The following ADGRA3 variants were observed in gnomAD, a reference collection of about 807,000 sequenced individuals.
The protein encoded by ADGRA3 is adhesion G protein-coupled receptor A3, also known as G-protein coupled receptor 125.
ADGRA3 carries 56 observed loss-of-function variants against 119.8 expected under a neutral mutation model. The observed-to-expected ratio is 0.47, with a 90% CI of 0.38 to 0.58. The LOEUF is 0.58. ADGRA3 is among the 20% of genes least tolerant of loss of function. The pLI is 0.00. For synonymous variants in ADGRA3, 607 were observed against 623.8 expected (o/e 0.97, Z 0.40); for missense variants, 1,516 against 1,649.0 (o/e 0.92, Z 1.40).
chr4:22,510,637 C>T (rs942103042), intron 1 of ADGRA3, among the ~76,000 whole-genome samples: 5 of 152,132 alleles, frequency 3.3e-5, no homozygotes, highest in Non-Finnish European at 4.4e-5. Context: ...CGTCCGATAC[C>T]GTCTCTCCAC....
intron 15 of ADGRA3, among the ~76,000 whole-genome samples, chr4:22,402,328 G>A (rs757891090): frequency 1.3e-5 from 2 of 152,048 alleles, no homozygotes; most frequent in Admixed American, 1.3e-4. Context: ...CTGATACTTA[G>A]AGACACCCCT....
At chr4:22,466,596 G>A (rs898621491) in intron 2 of ADGRA3, among the ~76,000 whole-genome samples, 13 of 152,002 alleles carry the variant, frequency 8.6e-5, no homozygotes, top group Non-Finnish European at 1.2e-4. Flanking sequence ...GCGTGATGGC[G>A]CACACCTGTA....
chr4:22,462,377 GA>G (rs1182069643), intron 2 of ADGRA3, among the ~76,000 whole-genome samples: 3 of 152,080 alleles, frequency 2.0e-5, no homozygotes, highest in Admixed American at 2.0e-4. Context: ...GCAGTGGCGT[GA>G]TCCTGACTCA....
chr4:22,391,113 C>T (rs905447026), intron 17 of ADGRA3, among the ~76,000 whole-genome samples: 6 of 152,056 alleles, frequency 3.9e-5, no homozygotes, highest in Admixed American at 1.3e-4. Flanking sequence ...GTCCAAGTAT[C>T]GTTCTTTTCT....
At chr4:22,438,814 G>A (rs185079832) in intron 7 of ADGRA3, among the ~76,000 whole-genome samples, 217 of 152,126 alleles carry the variant, frequency 1.4e-3, no homozygotes, top group African/African-American at 5.0e-3. Context: ...TCAGCCTGGC[G>A]AAACCCTGTC....
At chr4:22,445,596 G>A (rs1716803952) in intron 5 of ADGRA3, among the ~76,000 whole-genome samples, 1 of 152,106 alleles carries the variant, frequency 6.6e-6, no homozygotes, top group Admixed American at 6.5e-5. Context: ...CAATCAAACA[G>A]CAACCTAAAG....
chr4:22,510,546 C>T (rs991802775), intron 1 of ADGRA3, among the ~76,000 whole-genome samples: 43 of 152,042 alleles, frequency 2.8e-4, no homozygotes, highest in Non-Finnish European at 1.2e-4. Context: ...TGCACTCTCT[C>T]CTAACTGACC....
chr4:22,387,701 A>G lies in ADGRA3; in HGVS notation c.*4T>C. The G allele has an allele frequency of 6.3e-7, 1 of 1,586,462 alleles. No individual in the cohort carries two copies. Among genetic ancestry groups the G allele is most frequent in the South Asian group, 1.1e-5 (1 of 87,752 alleles). On this transcript the variant is annotated 3_prime_UTR_variant, in exon 19 of 19. Transcript: ENST00000334304. ...TGAATTTCTGCCTAGGAAGCCCAGC[A>G]ATGTTACACAGTAGTTTCGTGTTTC... is the stretch of plus-strand genomic sequence containing the variant.
chr4:22,496,395 A>G (rs1226783312), intron 1 of ADGRA3, among the ~76,000 whole-genome samples: 1 of 152,228 alleles, frequency 6.6e-6, no homozygotes, highest in Non-Finnish European at 1.5e-5. Context: ...CACAACATTT[A>G]AAACACTTAC....
At chr4:22,479,881 AAACT>A (rs770991270) in intron 1 of ADGRA3, among the ~76,000 whole-genome samples, 95 of 152,256 alleles carry the variant, frequency 6.2e-4, no homozygotes, top group South Asian at 5.8e-3. Flanking sequence ...CATTCCCAAC[AAACT>A]AACACAGGAA....
At position 22,402,661 on chromosome 4, in the gene ADGRA3, G is replaced by A; in HGVS notation, c.2357+14C>T. 6.2e-7 allele frequency: 1 copy of A among 1,607,156 alleles called. No individual in the cohort carries two copies. The highest frequency in any genetic ancestry group is 8.5e-7 in the Non-Finnish European group (1 of 1,177,906). ...AAAGTCCGCAGATCTATTTTGTCGA[G>A]ATGTATTTCTTACCTGTGATGGTAT... On this transcript the variant is annotated intron_variant, in intron 15 of 18. Coordinates refer to ENST00000334304, the MANE Select transcript of ADGRA3 (RefSeq NM_145290.4).
At chr4:22,503,497 T>C (rs993083899) in intron 1 of ADGRA3, among the ~76,000 whole-genome samples, 5 of 152,220 alleles carry the variant, frequency 3.3e-5, no homozygotes, top group African/African-American at 1.2e-4. Context: ...ATTACAGTTA[T>C]ATCTCCATAC....
intron 4 of ADGRA3, among the ~76,000 whole-genome samples, chr4:22,452,145 T>G (rs751686939): frequency 5.9e-5 from 9 of 152,194 alleles, no homozygotes; most frequent in Non-Finnish European, 1.0e-4. Context: ...CCACGTTGTC[T>G]TTAAAAGGTA....
intron 10 of ADGRA3, among the ~76,000 whole-genome samples, chr4:22,427,380 A>C (rs1715984099): frequency 6.6e-6 from 1 of 152,144 alleles, no homozygotes. Flanking sequence ...TGAAAAATTC[A>C]TCATTATTAC....
chr4:22,503,411 T>A (rs889401078), intron 1 of ADGRA3, among the ~76,000 whole-genome samples: 1 of 152,198 alleles, frequency 6.6e-6, no homozygotes, highest in Admixed American at 6.5e-5. Context: ...CTTATCTTGA[T>A]GGGAAATGAA....
chr4:22,430,908 T>C (rs1368918186), intron 10 of ADGRA3, among the ~76,000 whole-genome samples: 2 of 152,148 alleles, frequency 1.3e-5, no homozygotes, highest in Non-Finnish European at 2.9e-5. Context: ...CAGCCATGAC[T>C]AAAAGGGGCC....
At position 22,388,580 on chromosome 4, in the gene ADGRA3, A is replaced by G; in HGVS notation, c.3091T>C (p.Phe1031Leu). The change falls in exon 19 of 19, where the codon TTT (phenylalanine) becomes CTT (leucine). Residue 1031 changes from phenylalanine to leucine, a missense_variant. This residue lies in a region of ADGRA3 where 1,088 missense variants were observed against 1,107.1 expected (regional missense o/e 0.98). Coordinates refer to ENST00000334304, the MANE Select transcript of ADGRA3 (RefSeq NM_145290.4). ...YPLDLVFSFVFGATSLSFSAF... is the reference protein window; with the variant it reads ...YPLDLVFSFVLGATSLSFSAF... ...CTGAAGCTTAAACTTGTGGCTCCAAAAACGAAGCTAAAAACCAAGTCCAAA... is the reference window on the plus strand; with the variant it reads ...CTGAAGCTTAAACTTGTGGCTCCAAGAACGAAGCTAAAAACCAAGTCCAAA... 1 of 1,614,098 alleles carries G rather than the reference A, an allele frequency of 6.2e-7. No homozygotes were observed. The highest frequency in any genetic ancestry group is 1.1e-5 in the South Asian group (1 of 91,074).
At chr4:22,441,011 G>A (rs764968761) in intron 7 of ADGRA3, among the ~76,000 whole-genome samples, 1 of 152,120 alleles carries the variant, frequency 6.6e-6, no homozygotes, top group Non-Finnish European at 1.5e-5. Context: ...ACAATCATTT[G>A]AACATATGAA....
intron 2 of ADGRA3, among the ~76,000 whole-genome samples, chr4:22,470,494 C>G (rs1560333497): frequency 6.6e-6 from 1 of 152,134 alleles, no homozygotes; most frequent in Non-Finnish European, 1.5e-5. Flanking sequence ...CTACAAAATC[C>G]TAACCTTTAT....
Sources: gnomAD v4.1 joint callset for allele counts (sites outside exome capture counted in the v4.1 genomes callset) on GRCh38, gnomAD v4.1.1 for gene constraint, gnomAD v4.1.1 regional missense constraint, MANE v1.5 for transcripts, NCBI Gene and HGNC (gene_info 2026-07-23, HGNC 2026-07-21) for gene names.